FOXN3: variants seen among roughly 807,000 people sequenced by gnomAD.
The protein encoded by FOXN3 is forkhead box N3, also known as forkhead box protein N3.
Under a neutral mutation model 38.4 loss-of-function variants are expected in FOXN3, and 7 were observed. The ratio of observed to expected loss-of-function variants is 0.18; its 90% CI spans 0.10 to 0.34. The LOEUF (loss-of-function observed/expected upper bound fraction) is 0.34, where lower values mean the gene tolerates loss of function less well. Ranked by LOEUF, FOXN3 falls within the 10% of genes least tolerant of loss-of-function variation. FOXN3 has a pLI of 1.00. For synonymous variants in FOXN3, 230 were observed against 242.2 expected (o/e 0.95, Z 0.47); for missense variants, 456 against 613.4 (o/e 0.74, Z 2.71).
chr14:89,320,268 T>C (rs916050267), intron 3 of FOXN3, among the ~76,000 whole-genome samples: 1 of 152,168 alleles, frequency 6.6e-6, no homozygotes, highest in Non-Finnish European at 1.5e-5. Context: ...AAATTCAGTG[T>C]CCTCCAACAC....
chr14:89,200,700 C>T (rs1214528063), intron 4 of FOXN3, among the ~76,000 whole-genome samples: 8 of 152,236 alleles, frequency 5.3e-5, no homozygotes. Context: ...AGGTCTGCGT[C>T]ACATTGCCGT....
At chr14:89,418,169 T>C (rs1891804775), upstream of FOXN3, among the ~76,000 whole-genome samples, 1 of 152,014 alleles carries the variant, frequency 6.6e-6, no homozygotes, top group Admixed American at 6.5e-5. Flanking sequence ...TGATTGCACA[T>C]TACTCCCAGG....
At chr14:89,383,249 A>G (rs1324326420) in intron 2 of FOXN3, among the ~76,000 whole-genome samples, 1 of 152,110 alleles carries the variant, frequency 6.6e-6, no homozygotes, top group Non-Finnish European at 1.5e-5. Context: ...ACAGGCAGAG[A>G]AATGTCAGGT....
At chr14:89,319,766 G>A (rs1041881704) in intron 3 of FOXN3, among the ~76,000 whole-genome samples, 3 of 152,116 alleles carry the variant, frequency 2.0e-5, no homozygotes, top group Non-Finnish European at 4.4e-5. Context: ...TGTCTTACAC[G>A]CAACATCCAA....
intron 1 of FOXN3, among the ~76,000 whole-genome samples, chr14:89,559,940 G>A (rs1480152620): frequency 1.3e-5 from 2 of 152,150 alleles, no homozygotes; most frequent in Non-Finnish European, 2.9e-5. Context: ...GCATGAACCA[G>A]TAGTGAGCTG....
intron 4 of FOXN3, among the ~76,000 whole-genome samples, chr14:89,200,729 A>T (rs112191697): frequency 0.022 from 3,321 of 152,280 alleles, 49 homozygotes; most frequent in Non-Finnish European, 0.032. Context: ...CGAATCTGTG[A>T]TTCCAAAGCA....
chr14:89,587,600 G>A (rs1368688116), intron 1 of FOXN3, among the ~76,000 whole-genome samples: 5 of 152,192 alleles, frequency 3.3e-5, no homozygotes, highest in Non-Finnish European at 7.3e-5. Flanking sequence ...GGGCACAGTG[G>A]CTCATGCCTG....
intron 1 of FOXN3, among the ~76,000 whole-genome samples, chr14:89,528,639 G>A (rs1023016808): frequency 4.0e-5 from 6 of 151,478 alleles, no homozygotes; most frequent in African/African-American, 9.7e-5. Context: ...CAGATGATCT[G>A]CCCACCTTGG....
chr14:89,502,591 G>A (rs1347170336), intron 1 of FOXN3, among the ~76,000 whole-genome samples: 2 of 152,166 alleles, frequency 1.3e-5, no homozygotes, highest in African/African-American at 4.8e-5. Context: ...GCATCTATTA[G>A]GCAGCATTTT....
At chr14:89,171,923 C>A (rs932688017) in intron 5 of FOXN3, among the ~76,000 whole-genome samples, 7 of 152,006 alleles carry the variant, frequency 4.6e-5, no homozygotes, top group South Asian at 2.1e-4. Context: ...GGGAAAAAAA[C>A]CCCACCAGTA....
At chr14:89,305,450 T>C (rs1035206460) in intron 3 of FOXN3, among the ~76,000 whole-genome samples, 1 of 152,198 alleles carries the variant, frequency 6.6e-6, no homozygotes, top group Admixed American at 6.5e-5. Flanking sequence ...AGCTATAAAT[T>C]TGAGCAGCAC....
At chr14:89,231,902 C>T (rs145416121) in intron 4 of FOXN3, among the ~76,000 whole-genome samples, 1 of 152,262 alleles carries the variant, frequency 6.6e-6, no homozygotes, top group African/African-American at 2.4e-5. Flanking sequence ...CATGGCAGGG[C>T]AGCAAATTAT....
At chr14:89,208,688 T>G (rs559200061) in intron 4 of FOXN3, among the ~76,000 whole-genome samples, 8 of 152,192 alleles carry the variant, frequency 5.3e-5, no homozygotes, top group African/African-American at 1.9e-4. Context: ...CCTGCCTGGA[T>G]TTTCATATAG....
At chr14:89,360,728 C>T (rs112779904) in intron 2 of FOXN3, among the ~76,000 whole-genome samples, 14,013 of 110,886 alleles carry the variant, frequency 0.13, 1,005 homozygotes, top group Middle Eastern at 0.17. Flanking sequence ...CCTCCACCAC[C>T]ACCACCTCCA....
intron 4 of FOXN3, among the ~76,000 whole-genome samples, chr14:89,270,734 C>T (rs1193098317): frequency 6.6e-6 from 1 of 152,216 alleles, no homozygotes; most frequent in Admixed American, 6.5e-5. Flanking sequence ...AGATCATCAT[C>T]AATCCTCATA....
rs1894051721 is a variant in FOXN3 at position 89,511,142 on chromosome 14, T to TGC, written c.-14-98653_-14-98652insGC. 5.9e-4 allele frequency among the ~76,000 whole-genome samples: 2 copies of TGC among 3,368 alleles called. 1 individual carries two copies. The highest frequency in any genetic ancestry group is 4.9e-3 in the Non-Finnish European group (2 of 412). 2.2% of individuals were successfully genotyped at this position (3,368 alleles called of 152,430 possible). A position where few individuals can be genotyped will look rare whatever the true frequency, so the allele number is the denominator to read the frequency against. On this transcript the variant is annotated intron_variant, in intron 1 of 6. Coordinates refer to the FOXN3 transcript ENST00000345097. ...TTGGTGTCTTTCTTTCTTTCTTTCT[T>TGC]TTCTTTCTTTCTTTCTTTCTTTCTT... is the stretch of plus-strand genomic sequence containing the variant.
chr14:89,241,215 C>T lies in FOXN3; in HGVS notation c.745+39735G>A, dbSNP rs547967334. On this transcript the variant is annotated intron_variant, in intron 4 of 5. Coordinates refer to ENST00000557258, the MANE Select transcript of FOXN3 (RefSeq NM_005197.4). ...CCAAGTGCAACCCAAACGTTTAGAC[C>T]GATTTTAGATTTCTGTATAGATAGC... Among the ~76,000 whole-genome samples the T allele has an allele frequency of 9.5e-4, 145 of 152,282 alleles. 1 individual carries two copies. The highest frequency in any genetic ancestry group is 3.3e-3 in the African/African-American group (137 of 41,550).
intron 1 of FOXN3, among the ~76,000 whole-genome samples, chr14:89,574,715 TC>T (rs776914119): frequency 6.6e-5 from 10 of 152,192 alleles, no homozygotes; most frequent in African/African-American, 2.2e-4. Flanking sequence ...GCTTCTCTGA[TC>T]GTCCTACAGG....
chr14:89,494,031 A>G lies in FOXN3; in HGVS notation c.-14-81541T>C, dbSNP rs150080915. On this transcript the variant is annotated intron_variant, in intron 1 of 6. Coordinates refer to the FOXN3 transcript ENST00000345097. ...CTTTCAACTTTGCCCAGATTTTGCC[A>G]TCGTGCAGAAGGGGAATGCCGCAAC... 3 of 152,258 alleles carry G rather than the reference A, an allele frequency of 2.0e-5. No homozygotes were observed. The East Asian group carries it at 5.8e-4, about 29-fold the overall frequency. 9.4% of individuals were successfully genotyped at this position (152,258 alleles called of 1,614,324 possible). A position where few individuals can be genotyped will look rare whatever the true frequency, so the allele number is the denominator to read the frequency against.
Sources: gnomAD v4.1 joint callset for allele counts (sites outside exome capture counted in the v4.1 genomes callset) on GRCh38, gnomAD v4.1.1 for gene constraint, MANE v1.5 for transcripts, NCBI Gene and HGNC (gene_info 2026-07-23, HGNC 2026-07-21) for gene names.